Variants in EVPL observed in about 807,000 individuals in gnomAD.
EVPL encodes 210 kDa cornified envelope precursor protein.
EVPL carries 94 observed loss-of-function variants against 129.7 expected under a neutral mutation model. The observed-to-expected ratio is 0.72, with a 90% CI of 0.61 to 0.86. The LOEUF is 0.86. EVPL is among the 40% of genes least tolerant of loss of function. The pLI, the probability that EVPL is intolerant of heterozygous loss-of-function variation, is 0.00. For missense variants in EVPL, 2,625 were observed against 2,721.1 expected (o/e 0.96, Z 0.79); for synonymous variants, 1,172 against 1,191.1 (o/e 0.98, Z 0.33).
At chr17:76,014,836 C>A in intron 17 of EVPL, 80 bp downstream of exon 17, 1 of 1,404,964 alleles carries the variant, frequency 7.1e-7, no homozygotes, top group Non-Finnish European at 9.6e-7. Context: ...GTCACTAGCC[C>A]AGGATCACAC....
In EVPL at chr17:76,011,681, G is replaced by C; in HGVS notation, c.2569-13C>G. On this transcript the variant is annotated splice_polypyrimidine_tract_variant and intron_variant, in intron 20 of 21. Coordinates refer to ENST00000301607, the MANE Select transcript of EVPL (RefSeq NM_001988.4). The stretch of plus-strand genomic sequence containing the variant: ...CAAGGTTCTTCTCCTGGAGAAGGCA[G>C]AGGGAGAGGGGAAGGGCAGAGTCAG... The C allele has an allele frequency of 6.2e-7, 1 of 1,613,744 alleles. No homozygotes were observed. Among genetic ancestry groups the C allele is most frequent in the Non-Finnish European group, 8.5e-7 (1 of 1,179,644 alleles).
At chr17:76,018,855 G>GC (rs1029457105) in intron 11 of EVPL, 59 bp downstream of exon 11, 2 of 1,463,568 alleles carry the variant, frequency 1.4e-6, no homozygotes, top group African/African-American at 2.9e-5. Flanking sequence ...TTGGGCAGGG[G>GC]CAGGGGATGG....
chr17:76,021,567 G>A lies in EVPL; in HGVS notation c.916-4C>T. 6.3e-7 allele frequency: 1 copy of A among 1,597,202 alleles called. No individual in the cohort carries two copies. The highest frequency in any genetic ancestry group is 1.1e-5 in the South Asian group (1 of 88,512). On this transcript the variant is annotated splice_region_variant and splice_polypyrimidine_tract_variant and intron_variant, in intron 8 of 21. Transcript: ENST00000301607. ...TCTTCAGGGCCTCCTGGTGGGCCTGGGTACGGCAGCATGGAGCCCTCGGAC... is the reference window on the plus strand; with the variant it reads ...TCTTCAGGGCCTCCTGGTGGGCCTGAGTACGGCAGCATGGAGCCCTCGGAC...
intron 14 of EVPL, among the ~76,000 whole-genome samples, chr17:76,016,487 A>C (rs2066420043): frequency 6.6e-6 from 1 of 152,144 alleles, no homozygotes; most frequent in South Asian, 2.1e-4. Flanking sequence ...ATGACTTCAA[A>C]ACCTAAGGAC....
chr17:76,012,514 C>T (rs191071568), intron 18 of EVPL, among the ~76,000 whole-genome samples: 23 of 152,072 alleles, frequency 1.5e-4, no homozygotes, highest in East Asian at 9.7e-4. Flanking sequence ...AGGCTGGTCT[C>T]GAACTCCTGA....
At position 76,009,922 on chromosome 17, in the gene EVPL, G is replaced by A; in HGVS notation, c.3283C>T (p.Leu1095=). 1 of 1,614,172 alleles carries A rather than the reference G, an allele frequency of 6.2e-7. No individual in the cohort carries two copies. The highest frequency in any genetic ancestry group is 1.3e-5 in the African/African-American group (1 of 75,050). The change falls in exon 22 of 22, where the codon CTG becomes TTG. Residue 1095 remains leucine, a synonymous_variant. Coordinates refer to ENST00000301607, the MANE Select transcript of EVPL (RefSeq NM_001988.4). The surrounding 1 kb of genome is among the most constrained non-coding windows in gnomAD (Gnocchi z 5.9). ...NLEMVKAAQA[L]RLQMEEDAAR... ...GCATCCTCCTCCATCTGCAGCCTCAGAGCCTGGGCTGCCTTGACCATTTCC... is the reference window on the plus strand; with the variant it reads ...GCATCCTCCTCCATCTGCAGCCTCAAAGCCTGGGCTGCCTTGACCATTTCC...
intron 14 of EVPL, among the ~76,000 whole-genome samples, chr17:76,016,103 CCG>C (rs2066417749): frequency 6.6e-6 from 1 of 152,170 alleles, no homozygotes; most frequent in Non-Finnish European, 1.5e-5. Flanking sequence ...TGAGATCACA[CCG>C]CTGCACTCCA....
In EVPL at chr17:76,023,431, TG is replaced by T; in HGVS notation, c.354-14del. 2 of 1,613,520 alleles carry T rather than the reference TG, an allele frequency of 1.2e-6. No individual in the cohort carries two copies. The highest frequency in any genetic ancestry group is 1.7e-6 in the Non-Finnish European group (2 of 1,179,930). On this transcript the variant is annotated splice_polypyrimidine_tract_variant and intron_variant, in intron 3 of 21. Coordinates refer to ENST00000301607, the MANE Select transcript of EVPL (RefSeq NM_001988.4). Reference sequence around the variant, plus strand: ...CAGCTGCTTGATGCTGTCAAGAAGGTGGCCGGCAGGTCAGGGCTGGACCTGG... The same window carrying T: ...CAGCTGCTTGATGCTGTCAAGAAGGTGCCGGCAGGTCAGGGCTGGACCTGG...
chr17:76,008,038 AGTCACACTCGAGCTCCT>A lies in EVPL; in HGVS notation c.5150_5166del (p.Gln1717LeufsTer38). The A allele has an allele frequency of 6.2e-7, 1 of 1,614,094 alleles. No homozygotes were observed. Among genetic ancestry groups the A allele is most frequent in the Non-Finnish European group, 8.5e-7 (1 of 1,179,996 alleles). On this transcript the variant is annotated frameshift_variant, in exon 22 of 22. Transcript: ENST00000301607. LOFTEE classifies it high-confidence loss of function. The surrounding 1 kb of genome is among the most constrained non-coding windows in gnomAD (Gnocchi z 7.4). ...GGCCCCGAGGTGGTGACCTCCTCCCAGTCACACTCGAGCTCCTGCAGCTGCAAGTACTGGCCCCTGTC... is the reference window on the plus strand; with the variant it reads ...GGCCCCGAGGTGGTGACCTCCTCCCAGCAGCTGCAAGTACTGGCCCCTGTC...
At position 76,025,466 on chromosome 17, in the gene EVPL, C is replaced by T. The variant is rs568663901; in HGVS notation, c.99-1346G>A. ...GGACGGAGCTGCCCCAGGCCAGGAG[C>T]GCACTGCTGGGGAGCCTGCCTGGAC... On this transcript the variant is annotated intron_variant, in intron 1 of 21. Coordinates refer to ENST00000301607, the MANE Select transcript of EVPL (RefSeq NM_001988.4). Among the ~76,000 whole-genome samples the T allele has an allele frequency of 1.3e-5, 2 of 152,304 alleles. 1 individual carries two copies. Among genetic ancestry groups the T allele is most frequent in the South Asian group, 4.1e-4 (2 of 4,824 alleles).
In EVPL at chr17:76,023,494, A is replaced by G. The variant is rs2066477814; in HGVS notation, c.353+6T>C. On this transcript the variant is annotated splice_donor_region_variant and intron_variant, in intron 3 of 21. Transcript: ENST00000301607. ...GGACCCCCAGCCCTGCCGCAGCTCC[A>G]CTCACTCCTTCTCAATCTCCTCAGC... 1.2e-6 allele frequency: 2 copies of G among 1,612,440 alleles called. No individual in the cohort carries two copies. The highest frequency in any genetic ancestry group is 8.5e-7 in the Non-Finnish European group (1 of 1,179,296).
rs1043049664 is a variant in EVPL at position 76,013,026 on chromosome 17, G to A, written c.2374-937C>T. On this transcript the variant is annotated intron_variant, in intron 18 of 21. Coordinates refer to ENST00000301607, the MANE Select transcript of EVPL (RefSeq NM_001988.4). The surrounding 1 kb of genome is among the most constrained non-coding windows in gnomAD (Gnocchi z 4.3). ...CCCAAAGTGCTGGGATTACAGGCGTGAGCCACCGCGCCCGGCCTGAGAATT... is the reference window on the plus strand; with the variant it reads ...CCCAAAGTGCTGGGATTACAGGCGTAAGCCACCGCGCCCGGCCTGAGAATT... Among the ~76,000 whole-genome samples the A allele has an allele frequency of 2.0e-5, 3 of 152,164 alleles. No individual in the cohort carries two copies. Among genetic ancestry groups the A allele is most frequent in the African/African-American group, 7.2e-5 (3 of 41,438 alleles).
chr17:76,017,647 A>C, intron 14 of EVPL, 92 bp downstream of exon 14: 1 of 1,516,412 alleles, frequency 6.6e-7, no homozygotes, highest in Non-Finnish European at 8.8e-7. Context: ...CATCCCAGCC[A>C]CCGCTCCTGC....
chr17:76,015,458 G>T lies in EVPL; in HGVS notation c.1881C>A (p.Tyr627Ter), dbSNP rs748474936. The change falls in exon 15 of 22, where the codon TAC becomes TAA. Residue 627 changes from tyrosine to a stop codon, truncating the protein, a stop_gained. Transcript: ENST00000301607. LOFTEE classifies it high-confidence loss of function. ...FSDVQVLCSLYGEKAKAALDL... is the reference protein window; with the variant it reads ...FSDVQVLCSL ...GTCCCCAGAGCACTCACTTCTCCCC[G>T]TAGAGGCTGCACAGAACCTGCACGT... is the stretch of plus-strand genomic sequence containing the variant. 9 of 1,612,776 alleles carry T rather than the reference G, an allele frequency of 5.6e-6. No individual in the cohort carries two copies. The South Asian group carries it at 9.9e-5, about 18-fold the overall frequency.
rs770443533 is a variant in EVPL at position 76,019,023 on chromosome 17, G to A, written c.1175C>T (p.Thr392Ile). ...EKRLAVTERA[T>I]GDLQRRSRDV... The stretch of plus-strand genomic sequence containing the variant: ...CCGGCTTCGCCGCTGCAGGTCCCCA[G>A]TGGCCCTCTCGGTGACGGCCAGCCG... The change falls in exon 11 of 22, where the codon ACT becomes ATT. Residue 392 changes from threonine (T) to isoleucine (I), a missense_variant. Physicochemically the swap from Thr to Ile is moderately conservative, Grantham distance 89 (BLOSUM62 -1). This residue lies in a region of EVPL where 1,024 missense variants were observed against 997.5 expected (regional missense o/e 1.03). Coordinates refer to ENST00000301607, the MANE Select transcript of EVPL (RefSeq NM_001988.4). 30 of 1,576,704 alleles carry A rather than the reference G, an allele frequency of 1.9e-5. No individual in the cohort carries two copies. The highest frequency in any genetic ancestry group is 2.2e-5 in the Non-Finnish European group (26 of 1,168,454).
chr17:76,008,492 C>T lies in EVPL; in HGVS notation c.4713G>A (p.Gly1571=), dbSNP rs1251477020. ...RERIDRAETL[G]RTWSREESEL... is the part of the protein sequence containing the mutation. ...CGGACTCCTCCCGGGACCAGGTTCT[C>T]CCCAGCGTCTCGGCCCGGTCAATGC... The change falls in exon 22 of 22, where the codon GGG becomes GGA. Residue 1571 remains glycine (G), a synonymous_variant. Coordinates refer to ENST00000301607, the MANE Select transcript of EVPL (RefSeq NM_001988.4). The surrounding 1 kb of genome is among the most constrained non-coding windows in gnomAD (Gnocchi z 7.4). 4.4e-6 allele frequency: 7 copies of T among 1,601,368 alleles called. No homozygotes were observed. The highest frequency in any genetic ancestry group is 1.6e-4 in the Middle Eastern group (1 of 6,076).
At chr17:76,023,807 G>A (rs1191471819) in intron 2 of EVPL, among the ~76,000 whole-genome samples, 153 bp from the exon 3 acceptor site, 1 of 152,248 alleles carries the variant, frequency 6.6e-6, no homozygotes, top group African/African-American at 2.4e-5. Flanking sequence ...CAGGGCGTCC[G>A]TGGGGCAGGT....
In EVPL at chr17:76,010,327, C is replaced by A. The variant is rs2066367009; in HGVS notation, c.2878G>T (p.Val960Leu). ...PLERLEEKEV[V>L]EFYRDPQLEG... is the part of the protein sequence containing the mutation. ...AGCTGGGGGTCCCGGTAGAACTCTA[C>A]CACTTCCTTCTCCTCCAGCCTCTCC... The change falls in exon 22 of 22, where the codon GTA (valine) becomes TTA (leucine). Residue 960 changes from valine (V) to leucine (L), a missense_variant. This residue lies in a region of EVPL where 1,453 missense variants were observed against 1,511.8 expected (regional missense o/e 0.96). Transcript: ENST00000301607. The A allele has an allele frequency of 6.2e-7, 1 of 1,613,934 alleles. No individual in the cohort carries two copies. Among genetic ancestry groups the A allele is most frequent in the Non-Finnish European group, 8.5e-7 (1 of 1,180,022 alleles).
intron 14 of EVPL, 65 bp downstream of exon 14, chr17:76,017,674 T>A: frequency 1.9e-6 from 3 of 1,569,162 alleles, no homozygotes; most frequent in Non-Finnish European, 1.7e-6. Flanking sequence ...CTCACCTCCC[T>A]CAAGTGTGAG....
Sources: gnomAD v4.1 joint callset for allele counts (sites outside exome capture counted in the v4.1 genomes callset) on GRCh38, gnomAD v4.1.1 for gene constraint, gnomAD v4.1.1 regional missense constraint, Gnocchi (gnomAD v3.1) non-coding constraint, MANE v1.5 for transcripts, NCBI Gene and HGNC (gene_info 2026-07-23, HGNC 2026-07-21) for gene names.